The following PWWP3A variants were observed in gnomAD, a reference collection of about 807,000 sequenced individuals.
The protein encoded by PWWP3A is PWWP domain-containing DNA repair factor 3A.
In PWWP3A, 53 loss-of-function variants were observed where a neutral mutation model predicts 79.0. The observed-to-expected ratio is 0.67, with a 90% confidence interval of 0.54 to 0.84. The LOEUF (loss-of-function observed/expected upper bound fraction) is 0.84. Among genes scored for constraint, PWWP3A ranks in the 40% least tolerant of loss-of-function variants. The probability of loss-of-function intolerance (pLI) is 0.00; values close to 1 mark genes in which losing one functional copy is unlikely to be tolerated. For missense variants in PWWP3A, 973 were observed against 948.0 expected, an observed-to-expected ratio of 1.03 and a Z score of -0.35; for synonymous variants, 443 against 394.4, an observed-to-expected ratio of 1.12 and a Z score of -1.46.
In PWWP3A at chr19:1,360,269, C is replaced by T. The variant is rs143418010; in HGVS notation, c.348C>T (p.Asp116=). The stretch of plus-strand genomic sequence containing the variant: ...GCTCTGCAGGGACAGGTAGAGCTGA[C>T]CGGTCTCTGCGAGGGAAGCCCATGG... The part of the protein sequence containing the change: ...QESSAGTGRA[D]RSLRGKPMEH... The change falls in exon 5 of 14, where the codon GAC becomes GAT. Residue 116 remains aspartate, a synonymous_variant. Transcript: ENST00000591337. This position sits in a 1 kb window ranked among gnomAD's most constrained non-coding sequence, Gnocchi z 4.4. 6.2e-7 allele frequency: 1 copy of T among 1,614,068 alleles called. No homozygotes were observed. Among genetic ancestry groups the T allele is most frequent in the Non-Finnish European group, 8.5e-7 (1 of 1,179,980 alleles).
chr19:1,371,462 CACTGTAAGTTGAAAA>C, intron 12 of PWWP3A: 1 of 692,788 alleles, frequency 1.4e-6, no homozygotes, highest in African/African-American at 1.8e-5. Context: ...CAGATAAACC[CACTGTAAGTTGAAAA>C]ACTGTAAGTG....
rs2082197185 is a variant in PWWP3A at position 1,369,209 on chromosome 19, C to G, written c.1423-56C>G. 1 of 1,571,220 alleles carries G rather than the reference C, an allele frequency of 6.4e-7. No homozygotes were observed. Among genetic ancestry groups the G allele is most frequent in the Admixed American group, 1.7e-5 (1 of 59,422 alleles). Reference sequence around the variant, plus strand: ...CCCTGGGCTCTGCGTGGCTTCTGAACCCAGGGTGCTTGGCACTGCCTCCCA... The same window carrying G: ...CCCTGGGCTCTGCGTGGCTTCTGAAGCCAGGGTGCTTGGCACTGCCTCCCA... On this transcript the variant is annotated intron_variant, in intron 9 of 13. Transcript: ENST00000591337. This position sits in a 1 kb window ranked among gnomAD's most constrained non-coding sequence, Gnocchi z 4.0.
chr19:1,376,295 G>GTTTTTGTTTTTTT (rs1568968591), intron 13 of PWWP3A, among the ~76,000 whole-genome samples: 5 of 67,038 alleles, frequency 7.5e-5, no homozygotes, highest in Admixed American at 1.8e-4. Context: ...CCGGCTGTTT[G>GTTTTTGTTTTTTT]TTTTTTTTTT....
At chr19:1,359,369 G>C (rs1348517595) in intron 4 of PWWP3A, 1 of 150,774 alleles carries the variant, frequency 6.6e-6, no homozygotes, top group African/African-American at 2.5e-5. Context: ...ACTTAGGCCG[G>C]GCTGACCATC....
At chr19:1,362,614 T>G (rs2668413) in intron 6 of PWWP3A, among the ~76,000 whole-genome samples, 23,649 of 152,254 alleles carry the variant, frequency 0.16, 1,954 homozygotes, top group African/African-American at 0.21. Flanking sequence ...TCCTGTCACT[T>G]ACCTCAAGCC....
At chr19:1,371,316 T>C (rs1219700212) in intron 12 of PWWP3A, 1 of 710,224 alleles carries the variant, frequency 1.4e-6, no homozygotes, top group Admixed American at 2.0e-5. Context: ...ATGGAGCTGC[T>C]TAGAAGCTGT....
At chr19:1,375,410 TA>T (rs2082344162) in intron 13 of PWWP3A, among the ~76,000 whole-genome samples, 1 of 112,844 alleles carries the variant, frequency 8.9e-6, no homozygotes, top group African/African-American at 3.5e-5. Context: ...ATATATAATA[TA>T]TATTATATAT....
chr19:1,365,693 T>C (rs559737503), intron 7 of PWWP3A, among the ~76,000 whole-genome samples: 2 of 152,378 alleles, frequency 1.3e-5, no homozygotes, highest in African/African-American at 4.8e-5. Flanking sequence ...TTGGTAGTCT[T>C]TCCCTTGTTT....
At chr19:1,367,112 A>G (rs375674052) in intron 8 of PWWP3A, 48 bp from the exon 9 acceptor site, 1 of 1,489,100 alleles carries the variant, frequency 6.7e-7, no homozygotes, top group African/African-American at 1.4e-5. Flanking sequence ...TTTTTAGCTT[A>G]TTAGAGGAAG....
chr19:1,361,124 C>G, intron 5 of PWWP3A, 92 bp downstream of exon 5: 1 of 1,287,840 alleles, frequency 7.8e-7, no homozygotes, highest in Non-Finnish European at 1.0e-6. Flanking sequence ...GTGTTTTTGA[C>G]CAGATTTTAA....
chr19:1,357,052 A>T lies in PWWP3A; in HGVS notation c.101A>T (p.Lys34Met). The change falls in exon 3 of 14, where the codon AAG becomes ATG. Residue 34 changes from lysine to methionine, a missense_variant. By Grantham distance (95) the Lys-to-Met change is moderately conservative (BLOSUM62 -1). Transcript: ENST00000591337. Reference protein sequence around the residue: ...TATSTKNKRRKEYFLAVQILS... With the variant: ...TATSTKNKRRMEYFLAVQILS... ...ACTTCAACAAAAAATAAGAGAAGAA[A>T]GGAATATTTTCTAGCTGTGCAAATC... is the stretch of plus-strand genomic sequence containing the variant. The T allele has an allele frequency of 1.2e-6, 2 of 1,613,502 alleles. No individual in the cohort carries two copies. Among genetic ancestry groups the T allele is most frequent in the Non-Finnish European group, 1.7e-6 (2 of 1,179,854 alleles).
At chr19:1,359,933 G>A (rs1037285345) in intron 4 of PWWP3A, 16 of 493,738 alleles carry the variant, frequency 3.2e-5, no homozygotes, top group East Asian at 6.9e-5. Context: ...ATGAAGCCTC[G>A]AATCCCGGAA....
intron 11 of PWWP3A, among the ~76,000 whole-genome samples, chr19:1,370,144 G>A (rs186228101): frequency 6.0e-4 from 91 of 152,350 alleles, no homozygotes; most frequent in African/African-American, 1.9e-3. Flanking sequence ...AGAGGTGGGA[G>A]AATGGCTTGA....
Position 1,366,296 on chromosome 19 carries a change from T to C in PWWP3A, c.1285-9T>C. On this transcript the variant is annotated splice_polypyrimidine_tract_variant and intron_variant, in intron 7 of 13. Transcript: ENST00000591337. ...TTTTGACGTTTTATTTTCTTGGATT[T>C]GTGAACAGGTCAAAAGCGTCAGGCA... 6.2e-7 allele frequency: 1 copy of C among 1,613,846 alleles called. No homozygotes were observed. The highest frequency in any genetic ancestry group is 1.3e-5 in the African/African-American group (1 of 75,064).
At position 1,368,448 on chromosome 19, in the gene PWWP3A, C is replaced by T. The variant is rs1050121526; in HGVS notation, c.1423-817C>T. ...GATTCAGTGGTAGTCACCGTGGCTT[C>T]TGAGGGATGATATTGGGGAAGCCGT... On this transcript the variant is annotated intron_variant, in intron 9 of 13. Transcript: ENST00000591337. The surrounding 1 kb of genome is among the most constrained non-coding windows in gnomAD (Gnocchi z 4.7). Among the ~76,000 whole-genome samples, 1 of 152,266 alleles carries T rather than the reference C, an allele frequency of 6.6e-6. No individual in the cohort carries two copies. The highest frequency in any genetic ancestry group is 2.4e-5 in the African/African-American group (1 of 41,542).
chr19:1,365,469 A>C (rs1771230568), intron 7 of PWWP3A, among the ~76,000 whole-genome samples: 1 of 152,230 alleles, frequency 6.6e-6, no homozygotes, highest in African/African-American at 2.4e-5. Flanking sequence ...TTGTTGCTCT[A>C]ATGACTGACC....
chr19:1,359,844 A>C (rs2081969270), intron 4 of PWWP3A: 1 of 271,330 alleles, frequency 3.7e-6, no homozygotes, highest in Non-Finnish European at 6.8e-6. Context: ...CATTTTGCTC[A>C]CGGTATTGTT....
At chr19:1,372,218 G>A (rs1292673328) in intron 12 of PWWP3A, 1 of 152,358 alleles carries the variant, frequency 6.6e-6, no homozygotes, top group Non-Finnish European at 1.5e-5. Context: ...TCACAGCTAA[G>A]GGTGCTTCTG....
intron 1 of PWWP3A, among the ~76,000 whole-genome samples, chr19:1,355,876 C>T (rs1568922150): frequency 6.6e-6 from 1 of 151,990 alleles, no homozygotes; most frequent in African/African-American, 2.4e-5. Flanking sequence ...CAGCTGTCCC[C>T]GTTCTTTCAG....
Sources: gnomAD v4.1 joint callset for allele counts (sites outside exome capture counted in the v4.1 genomes callset) on GRCh38, gnomAD v4.1.1 for gene constraint, Gnocchi (gnomAD v3.1) non-coding constraint, MANE v1.5 for transcripts, NCBI Gene and HGNC (gene_info 2026-07-23, HGNC 2026-07-21) for gene names.